The following PINLYP variants were observed in gnomAD, a reference collection of about 807,000 sequenced individuals.
PINLYP encodes phospholipase A2 inhibitor and LY6/PLAUR domain containing.
A neutral mutation model predicts 15.8 loss-of-function variants in PINLYP; 12 were observed. The ratio of observed to expected loss-of-function variants is 0.76; its 90% CI spans 0.49 to 1.23. The LOEUF is 1.23. Ranked by LOEUF, PINLYP falls within the 50% of genes most tolerant of loss-of-function variation. PINLYP has a pLI of 0.00. For missense variants in PINLYP, 278 were observed against 264.2 expected, an observed-to-expected ratio of 1.05 and a Z score of -0.36; for synonymous variants, 93 against 97.7, an observed-to-expected ratio of 0.95 and a Z score of 0.28.
intron 3 of PINLYP, among the ~76,000 whole-genome samples, chr19:43,579,861 C>T (rs1223642108): frequency 6.6e-6 from 1 of 151,824 alleles, no homozygotes; most frequent in Non-Finnish European, 1.5e-5. Flanking sequence ...AAGTGCACAC[C>T]GCTGCACTCC....
chr19:43,576,569 G>A (rs1379166549), exon 1 of PINLYP, among the ~76,000 whole-genome samples: 1 of 151,968 alleles, frequency 6.6e-6, no homozygotes, highest in African/African-American at 2.4e-5. Context: ...CTTTTACTAC[G>A]CCCGCCTATG....
At chr19:43,579,370 C>T (rs1255924319) in intron 3 of PINLYP, among the ~76,000 whole-genome samples, 2 of 151,854 alleles carry the variant, frequency 1.3e-5, no homozygotes, top group Non-Finnish European at 2.9e-5. Context: ...CTCAGCCTCC[C>T]GAGTAGCTGG....
At chr19:43,581,965 C>T in exon 6 of PINLYP, 1 of 1,536,448 alleles carries the variant, frequency 6.5e-7, no homozygotes, top group Non-Finnish European at 8.7e-7. Flanking sequence ...CCAATGTCCT[C>T]TTCCTCCATC....
At chr19:43,578,681 G>A in exon 3 of PINLYP, 2 of 1,535,940 alleles carry the variant, frequency 1.3e-6, no homozygotes, top group South Asian at 1.2e-5. Flanking sequence ...ACACATGTGT[G>A]CTCCTGGTCG....
intron 2 of PINLYP, among the ~76,000 whole-genome samples, chr19:43,578,383 C>T (rs757091997): frequency 5.9e-5 from 9 of 152,320 alleles, no homozygotes; most frequent in African/African-American, 1.4e-4. Flanking sequence ...AGTCGCTTCC[C>T]GCCCCTGGAA....
At chr19:43,580,735 G>T in intron 3 of PINLYP, 1 of 954,594 alleles carries the variant, frequency 1.0e-6, no homozygotes, top group Non-Finnish European at 1.2e-6. Context: ...CGGGAGGGAG[G>T]GCTACCTAAG....
intron 2 of PINLYP, 91 bp downstream of exon 2, chr19:43,577,352 C>T: frequency 2.4e-6 from 3 of 1,251,182 alleles, no homozygotes; most frequent in African/African-American, 1.5e-5. Context: ...AGAGAAAGAG[C>T]CTTCAGCAAG....
At chr19:43,575,564 G>A (rs1213741890), upstream of PINLYP, 8 of 1,252,994 alleles carry the variant, frequency 6.4e-6, no homozygotes, top group Admixed American at 1.0e-4. Flanking sequence ...TGGCTAAAGT[G>A]CGCAAGCGCG....
chr19:43,580,475 C>T, intron 3 of PINLYP: 1 of 940,326 alleles, frequency 1.1e-6, no homozygotes, highest in Admixed American at 6.9e-5. Flanking sequence ...TTGCTGGGAC[C>T]GGGGTTCATT....
chr19:43,578,676 T>C lies in PINLYP; in HGVS notation c.157T>C (p.Cys53Arg), dbSNP rs766299098. 6.5e-7 allele frequency: 1 copy of C among 1,535,694 alleles called. No individual in the cohort carries two copies. The highest frequency in any genetic ancestry group is 1.4e-5 in the African/African-American group (1 of 73,108). The change falls in exon 3 of 6, where the codon TGT becomes CGT. Residue 53 changes from cysteine to arginine, a missense_variant. By Grantham distance (180) the Cys-to-Arg change is radical. Transcript: ENST00000599207. ...GACCTGCAGCAGTGACAAGGACACA[T>C]GTGTGCTCCTGGTCGGGAAGGCTAC...
Position 43,581,884 on chromosome 19 carries a change from AT to A in PINLYP, c.501del (p.Phe167LeufsTer32). On this transcript the variant is annotated frameshift_variant, in exon 6 of 6. Transcript: ENST00000599207. LOFTEE classifies it low-confidence loss of function (END_TRUNC). The stretch of plus-strand genomic sequence containing the variant: ...CCCTTTCAGGTATTTTCAAACCCAG[AT>A]TTGCTATGCGGGGCTGTGCTACAGA... 6.5e-7 allele frequency: 1 copy of A among 1,536,732 alleles called. No individual in the cohort carries two copies. Among genetic ancestry groups the A allele is most frequent in the Non-Finnish European group, 8.7e-7 (1 of 1,147,038 alleles).
At position 43,581,492 on chromosome 19, in the gene PINLYP, C is replaced by T. The variant is rs527754012; in HGVS notation, c.341-71C>T. ...GTCTATTAGCAACCCTGGTGTTTCC[C>T]GGGGTTGTTGGGAGGTTGGGGGAAC... On this transcript the variant is annotated intron_variant, in intron 4 of 5. Coordinates refer to ENST00000599207, the Ensembl canonical transcript of PINLYP. The T allele has an allele frequency of 2.0e-5, 30 of 1,508,068 alleles. No homozygotes were observed. The South Asian group carries it at 3.0e-4, about 15-fold the overall frequency. 93.4% of individuals were successfully genotyped at this position (1,508,068 alleles called of 1,614,324 possible).
chr19:43,579,145 G>C (rs1456795906), intron 3 of PINLYP: 1 of 196,384 alleles, frequency 5.1e-6, no homozygotes, highest in African/African-American at 2.4e-5. Flanking sequence ...ATTCCTGACC[G>C]AGGGAGGAGA....
chr19:43,577,247 C>A (rs984423245), exon 2 of PINLYP: 1 of 1,536,002 alleles, frequency 6.5e-7, no homozygotes, highest in African/African-American at 1.4e-5. Context: ...TTGCTCTGCA[C>A]CCTCCTGGGT....
intron 3 of PINLYP, 29 bp downstream of exon 3, chr19:43,578,735 G>C: frequency 6.7e-7 from 1 of 1,503,686 alleles, no homozygotes; most frequent in Non-Finnish European, 8.9e-7. Flanking sequence ...GGACCTGGTG[G>C]GGAGGTGGGG....
In PINLYP at chr19:43,578,860, G is replaced by C. The variant is rs755917724; in HGVS notation, c.187+154G>C. ...AGGAAAGAGGGAAAGACCATCATGA[G>C]ATGGAGGGAACAGAAATAAGTGGTG... On this transcript the variant is annotated intron_variant, in intron 3 of 5. Coordinates refer to ENST00000599207, the Ensembl canonical transcript of PINLYP. 338 of 615,952 alleles carry C rather than the reference G, an allele frequency of 5.5e-4. 1 individual carries two copies. The highest frequency in any genetic ancestry group is 8.2e-4 in the Non-Finnish European group (280 of 341,464). 38.2% of individuals were successfully genotyped at this position (615,952 alleles called of 1,614,324 possible).
exon 2 of PINLYP, chr19:43,577,189 A>AC: frequency 6.5e-7 from 1 of 1,536,062 alleles, no homozygotes; most frequent in Non-Finnish European, 8.7e-7. Flanking sequence ...TGATACACAC[A>AC]CCATGAGGCT....
Position 43,581,501 on chromosome 19 carries a change from T to G in PINLYP, c.341-62T>G, listed in dbSNP as rs940799579. 1.1e-5 allele frequency: 16 copies of G among 1,510,136 alleles called. No homozygotes were observed. The African/African-American group carries it at 1.9e-4, about 18-fold the overall frequency. 93.5% of individuals were successfully genotyped at this position (1,510,136 alleles called of 1,614,324 possible). On this transcript the variant is annotated intron_variant, in intron 4 of 5. Transcript: ENST00000599207. ...CAACCCTGGTGTTTCCCGGGGTTGTTGGGAGGTTGGGGGAACGGCTTAAAC... is the reference window on the plus strand; with the variant it reads ...CAACCCTGGTGTTTCCCGGGGTTGTGGGGAGGTTGGGGGAACGGCTTAAAC...
At position 43,577,116 on chromosome 19, in the gene PINLYP, G is replaced by A. The variant is rs1451706908; in HGVS notation, c.-76G>A. The A allele has an allele frequency of 1.3e-6, 2 of 1,535,638 alleles. No homozygotes were observed. The highest frequency in any genetic ancestry group is 8.7e-7 in the Non-Finnish European group (1 of 1,146,764). ...GACCTCAGCTATTTCTCCCCGTAGG[G>A]TGAATGTGGGTCCAGACCCACCCCT... is the stretch of plus-strand genomic sequence containing the variant. On this transcript the variant is annotated splice_region_variant and 5_prime_UTR_variant, in exon 2 of 6. It adds an upstream start codon to the 5' untranslated region. Coordinates refer to ENST00000599207, the Ensembl canonical transcript of PINLYP.
Sources: allele counts gnomAD v4.1 joint callset (sites outside exome capture counted in the v4.1 genomes callset), GRCh38; gene constraint gnomAD v4.1.1; transcripts MANE v1.5; gene names NCBI Gene and HGNC (gene_info 2026-07-23, HGNC 2026-07-21).